Variants in PLXNA4 observed in about 807,000 individuals in gnomAD.
PLXNA4 encodes plexin-A4.
In PLXNA4, 44 loss-of-function variants were observed where a neutral mutation model predicts 191.8. That is an observed-to-expected ratio of 0.23 (90% CI 0.18 to 0.29). The LOEUF is 0.29. Among genes scored for constraint, PLXNA4 ranks in the 10% least tolerant of loss-of-function variants. PLXNA4 has a pLI of 1.00. For synonymous variants in PLXNA4, 1,082 were observed against 1,009.5 expected (o/e 1.07, Z -1.36); for missense variants, 1,800 against 2,488.8 (o/e 0.72, Z 5.89).
intron 3 of PLXNA4, among the ~76,000 whole-genome samples, chr7:132,461,650 A>T (rs1412418329): frequency 1.3e-5 from 2 of 152,278 alleles, no homozygotes; most frequent in Non-Finnish European, 2.9e-5. Context: ...TGTGGAGAAA[A>T]TTCTATAAAC....
intron 2 of PLXNA4, among the ~76,000 whole-genome samples, chr7:132,613,451 G>A (rs1300413463): frequency 1.3e-5 from 2 of 152,096 alleles, no homozygotes; most frequent in African/African-American, 4.8e-5. Flanking sequence ...ATTAGATTTT[G>A]GCTTCTGTGA....
intron 1 of PLXNA4, among the ~76,000 whole-genome samples, chr7:132,512,649 A>G (rs1056164075): frequency 1.3e-5 from 2 of 152,186 alleles, no homozygotes; most frequent in African/African-American, 4.8e-5. Flanking sequence ...CCCCACCAGG[A>G]ACCACCACAG....
chr7:132,154,466 AAAG>A (rs1428101834), intron 25 of PLXNA4, among the ~76,000 whole-genome samples: 34 of 152,042 alleles, frequency 2.2e-4, no homozygotes, highest in Non-Finnish European at 5.9e-5. Flanking sequence ...CTGGTGCTTA[AAAG>A]AAGAAGTTCC....
At chr7:132,585,763 A>G (rs548617831) in intron 2 of PLXNA4, among the ~76,000 whole-genome samples, 1 of 152,046 alleles carries the variant, frequency 6.6e-6, no homozygotes. Flanking sequence ...TCAATCAGAC[A>G]GAGATCTCAA....
At chr7:132,369,720 G>A (rs938455948) in intron 3 of PLXNA4, among the ~76,000 whole-genome samples, 1 of 152,010 alleles carries the variant, frequency 6.6e-6, no homozygotes, top group Non-Finnish European at 1.5e-5. Flanking sequence ...CCCTATAGAG[G>A]AGTGATTTTG....
rs576540276 is a variant in PLXNA4, at chr7:132,257,183, G to T, written c.1504-16017C>A. 4.6e-5 allele frequency among the ~76,000 whole-genome samples: 7 copies of T among 152,342 alleles called. No individual in the cohort carries two copies. In the East Asian group the frequency reaches 1.4e-3, roughly 29 times the overall value. ...CACTCCAGTCCCCTCTCTTGCAGGG[G>T]CCAGGTGGCTGTAACTCTCTCGTGA... On this transcript the variant is annotated intron_variant, in intron 4 of 31. Coordinates refer to ENST00000321063, the MANE Select transcript of PLXNA4 (RefSeq NM_020911.2).
chr7:132,593,657 C>A (rs1450709070), intron 2 of PLXNA4, among the ~76,000 whole-genome samples: 3 of 152,212 alleles, frequency 2.0e-5, no homozygotes, highest in Non-Finnish European at 2.9e-5. Flanking sequence ...TTCCAGGGAC[C>A]AAGTCACAGG....
At chr7:132,478,733 T>C (rs1353044116) in intron 3 of PLXNA4, among the ~76,000 whole-genome samples, 3 of 152,162 alleles carry the variant, frequency 2.0e-5, no homozygotes. Flanking sequence ...TGTTTAAGTT[T>C]TGGATGCAAT....
chr7:132,403,757 C>T (rs1453158421), intron 3 of PLXNA4, among the ~76,000 whole-genome samples: 6 of 152,074 alleles, frequency 3.9e-5, no homozygotes, highest in Non-Finnish European at 8.8e-5. Context: ...AGGGAAGAGG[C>T]AGAGAGCAGG....
Position 132,300,688 on chromosome 7 carries a change from C to G in PLXNA4, c.1372-2466G>C, listed in dbSNP as rs916944705. Reference sequence around the variant, plus strand: ...ATTGGGATTACCACCCAAGTCTGACCGTGCAATGATGGCCTTGGCCCCTGG... The same window carrying G: ...ATTGGGATTACCACCCAAGTCTGACGGTGCAATGATGGCCTTGGCCCCTGG... On this transcript the variant is annotated intron_variant, in intron 3 of 31. Transcript: ENST00000321063. 1.1e-4 allele frequency among the ~76,000 whole-genome samples: 17 copies of G among 152,330 alleles called. No individual in the cohort carries two copies. The East Asian group carries it at 3.1e-3, about 28-fold the overall frequency.
intron 1 of PLXNA4, among the ~76,000 whole-genome samples, chr7:132,648,065 GCA>G (rs774958712): frequency 2.0e-5 from 3 of 151,270 alleles, no homozygotes; most frequent in Non-Finnish European, 3.0e-5. Context: ...ATACACTCAT[GCA>G]CACACACAAA....
intron 3 of PLXNA4, among the ~76,000 whole-genome samples, chr7:132,348,662 T>G (rs1207719696): frequency 6.6e-6 from 1 of 152,144 alleles, no homozygotes; most frequent in African/African-American, 2.4e-5. Context: ...TTCCTGGTAA[T>G]CAATAGGAAG....
intron 3 of PLXNA4, among the ~76,000 whole-genome samples, chr7:132,430,823 G>A (rs1314833279): frequency 6.6e-6 from 1 of 152,198 alleles, no homozygotes; most frequent in African/African-American, 2.4e-5. Context: ...AGTGAACATG[G>A]TGGCAGAGTA....
intron 3 of PLXNA4, among the ~76,000 whole-genome samples, chr7:132,481,243 G>A (rs1193519513): frequency 6.6e-6 from 1 of 152,018 alleles, no homozygotes; most frequent in Non-Finnish European, 1.5e-5. Flanking sequence ...GGACATCAGG[G>A]CCTGAGACAG....
chr7:132,255,003 T>G (rs975334407), intron 4 of PLXNA4, among the ~76,000 whole-genome samples: 4 of 152,042 alleles, frequency 2.6e-5, no homozygotes. Context: ...GGGGGTGGCC[T>G]GGGGGAAGGC....
chr7:132,178,831 CACATACACATATAT>C (rs1284759690), intron 20 of PLXNA4, among the ~76,000 whole-genome samples: 2 of 113,166 alleles, frequency 1.8e-5, no homozygotes, highest in East Asian at 2.6e-4. Flanking sequence ...GAAACACATA[CACATACACATATAT>C]ACACACACAC....
intron 2 of PLXNA4, among the ~76,000 whole-genome samples, chr7:132,638,481 G>A (rs774097422): frequency 2.6e-5 from 4 of 152,004 alleles, no homozygotes; most frequent in Non-Finnish European, 5.9e-5. Flanking sequence ...GTGAAACCCC[G>A]TGTCTACTAA....
At chr7:132,368,525 G>A (rs1804287338) in intron 3 of PLXNA4, among the ~76,000 whole-genome samples, 1 of 152,148 alleles carries the variant, frequency 6.6e-6, no homozygotes, top group Non-Finnish European at 1.5e-5. Flanking sequence ...GGTGGGCTGT[G>A]GTCTCTCCTG....
intron 4 of PLXNA4, among the ~76,000 whole-genome samples, chr7:132,275,574 C>T (rs1800243926): frequency 6.6e-6 from 1 of 152,160 alleles, no homozygotes; most frequent in Non-Finnish European, 1.5e-5. Flanking sequence ...TTACACTAAG[C>T]ACTCTATAAC....
Sources: allele counts gnomAD v4.1 joint callset (sites outside exome capture counted in the v4.1 genomes callset), GRCh38; gene constraint gnomAD v4.1.1; transcripts MANE v1.5; gene names NCBI Gene and HGNC (gene_info 2026-07-23, HGNC 2026-07-21).